EFCAB6: variants seen among roughly 807,000 people sequenced by gnomAD.
EFCAB6 encodes the protein EF-hand calcium binding domain 6, also known as EF-hand calcium-binding domain-containing protein 6.
Under a neutral mutation model 169.8 loss-of-function variants are expected in EFCAB6, and 156 were observed. The ratio of observed to expected loss-of-function variants is 0.92; its 90% CI spans 0.81 to 1.05. EFCAB6 has a LOEUF of 1.05. Among genes scored for constraint, EFCAB6 ranks in the 50% least tolerant of loss-of-function variants. The pLI is 0.00. For synonymous variants in EFCAB6, 698 were observed against 676.4 expected, an observed-to-expected ratio of 1.03 and a Z score of -0.50; for missense variants, 1,800 against 1,829.1, an observed-to-expected ratio of 0.98 and a Z score of 0.29.
rs111877613 is a variant in EFCAB6, at chr22:43,640,388, T to G, written c.1984-5172A>C. Among the ~76,000 whole-genome samples the G allele has an allele frequency of 2.9e-3, 444 of 152,352 alleles. 1 individual carries two copies. Among genetic ancestry groups the G allele is most frequent in the Non-Finnish European group, 5.0e-3 (341 of 68,028 alleles). On this transcript the variant is annotated intron_variant, in intron 17 of 31. Transcript: ENST00000262726. ...TCAAACTGAAAAAGTTTGAGTGTGT[T>G]GGGCTGCAGTTTAAATTTCAGTTCA...
At position 43,735,970 on chromosome 22, in the gene EFCAB6, A is replaced by T; in HGVS notation, c.531T>A (p.Val177=). ...GEKVFKNIKT[V]MKAFELIDVN... is the part of the protein sequence containing the mutation. ...CATCAATGAGCTCAAAGGCTTTCAT[A>T]ACAGTCTTAATGTTTTTGAAAACCT... The change falls in exon 7 of 32, where the codon GTT becomes GTA. Residue 177 remains valine (V), a synonymous_variant. Transcript: ENST00000262726. 6 of 1,613,794 alleles carry T rather than the reference A, an allele frequency of 3.7e-6. No homozygotes were observed. The highest frequency in any genetic ancestry group is 5.1e-6 in the Non-Finnish European group (6 of 1,179,932).
intron 2 of EFCAB6, among the ~76,000 whole-genome samples, chr22:43,784,668 T>C (rs1403407924): frequency 8.7e-5 from 6 of 68,788 alleles, no homozygotes; most frequent in Admixed American, 4.6e-4. Context: ...TATATACATA[T>C]ACATATATAC....
chr22:43,737,620 C>T (rs1014721463), intron 6 of EFCAB6, among the ~76,000 whole-genome samples: 1 of 151,322 alleles, frequency 6.6e-6, no homozygotes, highest in African/African-American at 2.4e-5. Context: ...TATTCACACA[C>T]ACACATGCAG....
chr22:43,705,238 A>C (rs953449059), intron 10 of EFCAB6, among the ~76,000 whole-genome samples: 1 of 152,142 alleles, frequency 6.6e-6, no homozygotes, highest in African/African-American at 2.4e-5. Flanking sequence ...GCAAATATTA[A>C]AGGATCTGAA....
intron 6 of EFCAB6, among the ~76,000 whole-genome samples, chr22:43,741,814 C>G (rs142792742): frequency 6.6e-6 from 1 of 152,268 alleles, no homozygotes; most frequent in African/African-American, 2.4e-5. Flanking sequence ...CGGGCAGAAC[C>G]CTGACTTCCA....
chr22:43,800,356 A>G (rs995359053), intron 2 of EFCAB6, among the ~76,000 whole-genome samples: 2 of 152,226 alleles, frequency 1.3e-5, no homozygotes, highest in African/African-American at 2.4e-5. Flanking sequence ...AATATACCCA[A>G]AGAAAACAAG....
chr22:43,543,669 G>A (rs973585078), intron 27 of EFCAB6, among the ~76,000 whole-genome samples: 7 of 152,182 alleles, frequency 4.6e-5, no homozygotes, highest in African/African-American at 1.4e-4. Context: ...GAGACAGGAG[G>A]CAGAGAGGGC....
chr22:43,758,103 A>AT (rs1569474290), intron 5 of EFCAB6, among the ~76,000 whole-genome samples: 2 of 134,370 alleles, frequency 1.5e-5, no homozygotes, highest in African/African-American at 6.1e-5. Flanking sequence ...TCTTTTGTTT[A>AT]TTTTTTCTAT....
intron 7 of EFCAB6, among the ~76,000 whole-genome samples, chr22:43,733,370 C>T (rs965186535): frequency 1.3e-5 from 2 of 152,184 alleles, no homozygotes; most frequent in South Asian, 2.1e-4. Flanking sequence ...CAAGGCTGCT[C>T]ATAAATGATT....
intron 5 of EFCAB6, chr22:43,759,269 G>A (rs1382487080): frequency 6.6e-6 from 1 of 152,216 alleles, no homozygotes; most frequent in East Asian, 1.9e-4. Context: ...GCAATACACA[G>A]TACTGGTGAA....
chr22:43,770,834 CAG>C (rs1297200661), intron 4 of EFCAB6, among the ~76,000 whole-genome samples: 2 of 148,546 alleles, frequency 1.3e-5, no homozygotes, highest in Non-Finnish European at 3.0e-5. Context: ...AAAAAAAAGA[CAG>C]AATTAAAAGG....
chr22:43,575,132 C>T (rs2050155227), intron 26 of EFCAB6, among the ~76,000 whole-genome samples: 1 of 152,112 alleles, frequency 6.6e-6, no homozygotes, highest in African/African-American at 2.4e-5. Flanking sequence ...GACCGAATGG[C>T]AGCATGTTAT....
chr22:43,743,818 G>A (rs895508245), intron 6 of EFCAB6, among the ~76,000 whole-genome samples: 1 of 152,186 alleles, frequency 6.6e-6, no homozygotes, highest in Non-Finnish European at 1.5e-5. Context: ...GAATAGGCAT[G>A]AGTCCAGAGC....
At chr22:43,769,392 G>A (rs112582204) in intron 4 of EFCAB6, among the ~76,000 whole-genome samples, 63 of 152,200 alleles carry the variant, frequency 4.1e-4, no homozygotes, top group African/African-American at 1.5e-3. Flanking sequence ...GATGAAAACG[G>A]TTTTCAATTA....
chr22:43,649,213 T>C (rs897110579), intron 17 of EFCAB6, among the ~76,000 whole-genome samples: 4 of 152,184 alleles, frequency 2.6e-5, no homozygotes, highest in African/African-American at 9.7e-5. Context: ...CATAAGCACA[T>C]AGGTTTTATA....
chr22:43,738,131 C>A (rs1195050444), intron 6 of EFCAB6, among the ~76,000 whole-genome samples: 1 of 151,112 alleles, frequency 6.6e-6, no homozygotes, highest in Non-Finnish European at 1.5e-5. Flanking sequence ...TTCATACACA[C>A]ACCTGTGCAT....
chr22:43,599,426 C>A (rs1329575891), intron 23 of EFCAB6, among the ~76,000 whole-genome samples: 1 of 138,370 alleles, frequency 7.2e-6, no homozygotes, highest in Non-Finnish European at 1.5e-5. Context: ...AGGAGAATCG[C>A]TTGAACCCGG....
intron 5 of EFCAB6, among the ~76,000 whole-genome samples, chr22:43,763,318 C>A (rs1216167214): frequency 6.6e-6 from 1 of 152,098 alleles, no homozygotes; most frequent in Non-Finnish European, 1.5e-5. Flanking sequence ...GGATTACAGG[C>A]ACGAGCCACC....
At chr22:43,568,049 C>T (rs1426491144) in intron 26 of EFCAB6, among the ~76,000 whole-genome samples, 1 of 152,200 alleles carries the variant, frequency 6.6e-6, no homozygotes, top group Admixed American at 6.5e-5. Context: ...AGCAACAGAG[C>T]AGTGAGCCAA....
Sources: allele counts gnomAD v4.1 joint callset (sites outside exome capture counted in the v4.1 genomes callset), GRCh38; gene constraint gnomAD v4.1.1; transcripts MANE v1.5; gene names NCBI Gene and HGNC (gene_info 2026-07-23, HGNC 2026-07-21).